The following XKR7 variants were observed in gnomAD, a reference collection of about 807,000 sequenced individuals.
The protein encoded by XKR7 is XK related 7.
A neutral mutation model predicts 42.2 loss-of-function variants in XKR7; 11 were observed. That is an observed-to-expected ratio of 0.26 (90% CI 0.16 to 0.43). The LOEUF is 0.43. Among genes scored for constraint, XKR7 ranks in the 20% least tolerant of loss-of-function variants. The pLI is 1.00. For missense variants in XKR7, 710 were observed against 802.2 expected (o/e 0.89, Z 1.39); for synonymous variants, 346 against 366.4 (o/e 0.94, Z 0.64).
chr20:31,974,538 C>T (rs1008976518), intron 1 of XKR7, among the ~76,000 whole-genome samples: 19 of 152,172 alleles, frequency 1.2e-4, no homozygotes, highest in East Asian at 3.9e-4. Context: ...TAGCACCTAT[C>T]GCATGGTGCT....
intron 1 of XKR7, among the ~76,000 whole-genome samples, chr20:31,994,519 A>T (rs1340236764): frequency 6.6e-6 from 1 of 152,156 alleles, no homozygotes; most frequent in East Asian, 1.9e-4. Context: ...GGAGTTCAAG[A>T]CCAGCCTGGG....
chr20:31,983,598 G>A (rs1011591709), intron 1 of XKR7, among the ~76,000 whole-genome samples: 3 of 152,206 alleles, frequency 2.0e-5, no homozygotes, highest in African/African-American at 4.8e-5. Context: ...GTCCCCGGGA[G>A]GGACAAAGGT....
chr20:31,984,255 C>T (rs900973772), intron 1 of XKR7, among the ~76,000 whole-genome samples: 8 of 122,418 alleles, frequency 6.5e-5, no homozygotes, highest in African/African-American at 3.2e-4. Flanking sequence ...GAGTGAGACT[C>T]CATTTCAAAA....
chr20:31,985,505 C>T (rs1199561767), intron 1 of XKR7, among the ~76,000 whole-genome samples: 1 of 152,026 alleles, frequency 6.6e-6, no homozygotes, highest in African/African-American at 2.4e-5. Flanking sequence ...AGCTGAGCAA[C>T]AAATCAGCAG....
chr20:31,973,991 G>A (rs190654425), intron 1 of XKR7, among the ~76,000 whole-genome samples: 10 of 152,190 alleles, frequency 6.6e-5, no homozygotes, highest in Admixed American at 3.3e-4. Context: ...TCAAGAGATC[G>A]AGACCATCCT....
intron 1 of XKR7, among the ~76,000 whole-genome samples, chr20:31,978,098 C>CT (rs1044054009): frequency 0.026 from 3,849 of 148,214 alleles, 165 homozygotes; most frequent in African/African-American, 0.086. Context: ...TTTTCTCCTA[C>CT]TTTTTTTTTT....
chr20:31,985,875 A>G (rs1247602942), intron 1 of XKR7, among the ~76,000 whole-genome samples: 13 of 139,682 alleles, frequency 9.3e-5, no homozygotes, highest in Admixed American at 2.1e-4. Flanking sequence ...ATCCAGACAC[A>G]GACAGACAGA....
rs574100752 is a variant in XKR7 at position 31,986,173 on chromosome 20, G to A, written c.585-8895G>A. On this transcript the variant is annotated intron_variant, in intron 1 of 2. Coordinates refer to ENST00000562532, the MANE Select transcript of XKR7 (RefSeq NM_001011718.2). ...ACAGACAGACCACCAAGCACACCCA[G>A]CATCCAAGACACAGACAGACAGACA... Among the ~76,000 whole-genome samples, 497 of 141,060 alleles carry A rather than the reference G, an allele frequency of 3.5e-3. 2 individuals are homozygous for A. Among genetic ancestry groups the A allele is most frequent in the African/African-American group, 0.013 (484 of 36,974 alleles). 92.5% of individuals were successfully genotyped at this position (141,060 alleles called of 152,430 possible). A position where few individuals can be genotyped will look rare whatever the true frequency, so the allele number is the denominator to read the frequency against.
intron 2 of XKR7, 95 bp from the exon 3 acceptor site, chr20:31,996,410 C>A: frequency 3.2e-6 from 3 of 934,810 alleles, no homozygotes; most frequent in East Asian, 2.8e-5. Context: ...CTCTTCAAAA[C>A]CCAGCTCCTG....
intron 1 of XKR7, among the ~76,000 whole-genome samples, chr20:31,974,913 C>T (rs957234492): frequency 1.3e-5 from 2 of 152,150 alleles, no homozygotes; most frequent in African/African-American, 4.8e-5. Flanking sequence ...AGGCTCTCCA[C>T]CCCCACCCTG....
intron 1 of XKR7, among the ~76,000 whole-genome samples, chr20:31,982,412 C>G (rs1029021661): frequency 4.6e-5 from 7 of 151,516 alleles, no homozygotes; most frequent in Admixed American, 1.3e-4. Flanking sequence ...ATCCCAGCTA[C>G]TCGGGAGGCT....
At position 32,000,309 on chromosome 20, in the gene XKR7, C is replaced by G. The variant is rs917744306; in HGVS notation, c.*2852C>G. The G allele has an allele frequency of 6.5e-5, 10 of 152,722 alleles. No individual in the cohort carries two copies. The allele number at this position is 152,722 out of a possible 1,614,324, so 9.5% of individuals were successfully genotyped here. On this transcript the variant is annotated 3_prime_UTR_variant, in exon 3 of 3. Transcript: ENST00000562532. ...TTTCTTTCTGTGACACAATCTACCT[C>G]AGCCAGTCTCTCCCCTAGCAGAACT...
In XKR7 at chr20:31,999,858, T is replaced by G. The variant is rs1464235846; in HGVS notation, c.*2401T>G. On this transcript the variant is annotated 3_prime_UTR_variant, in exon 3 of 3. Transcript: ENST00000562532. ...AGTATCCCAGAATGGCCCATCTGGC[T>G]GCTGCCTTCTAGAGGAAAAGTCCTA... 1 of 152,264 alleles carries G rather than the reference T, an allele frequency of 6.6e-6. No homozygotes were observed. Among genetic ancestry groups the G allele is most frequent in the Non-Finnish European group, 1.5e-5 (1 of 68,084 alleles). 9.4% of individuals were successfully genotyped at this position (152,264 alleles called of 1,614,324 possible).
At position 31,968,270 on chromosome 20, in the gene XKR7, A is replaced by AGGCGGCGGC; in HGVS notation, c.102_110dup (p.Ala35_Ala37dup). 8.6e-7 allele frequency: 1 copy of AGGCGGCGGC among 1,157,112 alleles called. No individual in the cohort carries two copies. Among genetic ancestry groups the AGGCGGCGGC allele is most frequent in the Non-Finnish European group, 1.1e-6 (1 of 941,290 alleles). The allele number at this position is 1,157,112 out of a possible 1,614,324, so 71.7% of individuals were successfully genotyped here. The stretch of plus-strand genomic sequence containing the variant: ...CGGGGCAGTGCCGGCGGGCGCGGGG[A>AGGCGGCGGC]GGCGGCGGCGGCGGCCGGGCCCCCG... On this transcript the variant is annotated inframe_insertion, in exon 1 of 3. Coordinates refer to ENST00000562532, the MANE Select transcript of XKR7 (RefSeq NM_001011718.2). This position sits in a 1 kb window ranked among gnomAD's most constrained non-coding sequence, Gnocchi z 4.5.
chr20:31,992,714 G>A (rs1193706609), intron 1 of XKR7, among the ~76,000 whole-genome samples: 5 of 152,166 alleles, frequency 3.3e-5, no homozygotes, highest in Non-Finnish European at 7.3e-5. Context: ...ACCCAGGGAT[G>A]GGGAGGAGGG....
chr20:31,996,289 A>G (rs900567376), intron 2 of XKR7, among the ~76,000 whole-genome samples: 1 of 151,086 alleles, frequency 6.6e-6, no homozygotes, highest in African/African-American at 2.4e-5. Context: ...CCCACCCTAC[A>G]GAAGTACCCA....
intron 1 of XKR7, among the ~76,000 whole-genome samples, chr20:31,979,093 C>G (rs936139752): frequency 1.3e-5 from 2 of 150,892 alleles, no homozygotes; most frequent in East Asian, 3.9e-4. Flanking sequence ...TGAGATCACA[C>G]CACTGTACTC....
chr20:31,995,036 G>T lies in XKR7; in HGVS notation c.585-32G>T. Reference sequence around the variant, plus strand: ...GCGACAGAGCGAGAGGAACCAGCGCGCGGGAGCCTGAGCACCGCGTCCTTC... The same window carrying T: ...GCGACAGAGCGAGAGGAACCAGCGCTCGGGAGCCTGAGCACCGCGTCCTTC... On this transcript the variant is annotated intron_variant, in intron 1 of 2. Transcript: ENST00000562532. The surrounding 1 kb of genome is among the most constrained non-coding windows in gnomAD (Gnocchi z 4.1). 6.5e-7 allele frequency: 1 copy of T among 1,539,286 alleles called. No homozygotes were observed.
In XKR7 at chr20:31,968,936, C is replaced by T. The variant is rs534836108; in HGVS notation, c.584+177C>T. Among the ~76,000 whole-genome samples, 1 of 152,240 alleles carries T rather than the reference C, an allele frequency of 6.6e-6. No individual in the cohort carries two copies. The highest frequency in any genetic ancestry group is 2.4e-5 in the African/African-American group (1 of 41,524). On this transcript the variant is annotated intron_variant, in intron 1 of 2. Transcript: ENST00000562532. The surrounding 1 kb of genome is among the most constrained non-coding windows in gnomAD (Gnocchi z 4.5). The stretch of plus-strand genomic sequence containing the variant: ...AGTCGGCTTCTCCCTGACCTCTGCC[C>T]CCAAGCCCTGACCAACCCCAGTGCC...
Sources: gnomAD v4.1 joint callset for allele counts (sites outside exome capture counted in the v4.1 genomes callset) on GRCh38, gnomAD v4.1.1 for gene constraint, Gnocchi (gnomAD v3.1) non-coding constraint, MANE v1.5 for transcripts, NCBI Gene and HGNC (gene_info 2026-07-23, HGNC 2026-07-21) for gene names.